The following RASA3 variants were observed in gnomAD, a reference collection of about 807,000 sequenced individuals.
RASA3 encodes RAS p21 protein activator 3, also known as ras GTPase-activating protein 3.
A neutral mutation model predicts 110.0 loss-of-function variants in RASA3; 73 were observed. The observed-to-expected ratio is 0.66, with a 90% CI of 0.55 to 0.81. The LOEUF (loss-of-function observed/expected upper bound fraction) is 0.81. Among genes scored for constraint, RASA3 ranks in the 30% least tolerant of loss-of-function variants. The probability of loss-of-function intolerance (pLI) is 0.00; values close to 1 mark genes in which losing one functional copy is unlikely to be tolerated. For synonymous variants in RASA3, 500 were observed against 451.4 expected, an observed-to-expected ratio of 1.11 and a Z score of -1.37; for missense variants, 976 against 1,113.2, an observed-to-expected ratio of 0.88 and a Z score of 1.75.
rs1436295746 is a variant in RASA3, at chr13:114,056,940, G to A, written c.174-4785C>T. Among the ~76,000 whole-genome samples, 3 of 152,122 alleles carry A rather than the reference G, an allele frequency of 2.0e-5. No homozygotes were observed. The highest frequency in any genetic ancestry group is 6.5e-5 in the Admixed American group (1 of 15,286). The stretch of plus-strand genomic sequence containing the variant: ...AACCTTGCTCCTGAATCGCAGCAGG[G>A]GAGGCAGCGCTTTGGGGCCCTCTGT... On this transcript the variant is annotated intron_variant, in intron 2 of 23. Coordinates refer to ENST00000334062, the MANE Select transcript of RASA3 (RefSeq NM_007368.4). This position sits in a 1 kb window ranked among gnomAD's most constrained non-coding sequence, Gnocchi z 5.7.
At chr13:114,043,946 TC>T (rs201630268) in intron 3 of RASA3, among the ~76,000 whole-genome samples, 1 of 1,838 alleles carries the variant, frequency 5.4e-4, no homozygotes, top group African/African-American at 7.6e-3. Flanking sequence ...CTCGCTGAGC[TC>T]CCCCCCGCCT....
chr13:114,028,706 CATCATCCT>C (rs1566499040), intron 5 of RASA3, among the ~76,000 whole-genome samples: 5 of 90,660 alleles, frequency 5.5e-5, no homozygotes, highest in East Asian at 3.9e-4. Flanking sequence ...TCTAAAACGG[CATCATCCT>C]GGGGCCAGGA....
At chr13:114,027,258 T>C (rs556842868) in intron 7 of RASA3, 131 bp downstream of exon 7, 9 of 801,590 alleles carry the variant, frequency 1.1e-5, no homozygotes, top group South Asian at 1.8e-5. Context: ...CAGGGCCGGC[T>C]GGCGGGGCTC....
Position 114,000,878 on chromosome 13 carries a change from C to A in RASA3, c.1797G>T (p.Lys599Asn). The A allele has an allele frequency of 6.2e-7, 1 of 1,613,984 alleles. No individual in the cohort carries two copies. The highest frequency in any genetic ancestry group is 8.5e-7 in the Non-Finnish European group (1 of 1,179,918). ...GGTTGGTCAAGCGAAACCATCTCTT[C>A]TTAAAATTCTTCATCCCAAAGCGCT... ...GRKRFGMKNFKKRWFRLTNHE... is the reference protein window; with the variant it reads ...GRKRFGMKNFNKRWFRLTNHE... The change falls in exon 19 of 24, where the codon AAG (lysine) becomes AAT (asparagine). Residue 599 changes from lysine to asparagine, a missense_variant. Physicochemically the swap from Lys to Asn is moderately conservative, Grantham distance 94 (BLOSUM62 0). Around this residue, in one of 4 missense-constraint regions of RASA3, gnomAD observed 109 missense variants for 162.5 expected, o/e 0.67. Transcript: ENST00000334062.
At chr13:114,046,656 A>G (rs2079057106) in intron 3 of RASA3, among the ~76,000 whole-genome samples, 1 of 152,174 alleles carries the variant, frequency 6.6e-6, no homozygotes, top group Non-Finnish European at 1.5e-5. Flanking sequence ...TCCGATGGAA[A>G]GCTGCTTCCA....
intron 2 of RASA3, among the ~76,000 whole-genome samples, chr13:114,062,466 T>C (rs1393647951): frequency 6.6e-6 from 1 of 152,136 alleles, no homozygotes. Flanking sequence ...GAAAACAGGC[T>C]GGCGGTTCCT....
intron 18 of RASA3, among the ~76,000 whole-genome samples, 168 bp downstream of exon 18, chr13:114,007,365 C>T (rs867388525): frequency 1.2e-4 from 4 of 33,080 alleles, no homozygotes; most frequent in East Asian, 9.8e-4. Context: ...CCTGCCCTGC[C>T]GGACGCCACC....
intron 1 of RASA3, among the ~76,000 whole-genome samples, chr13:114,075,202 A>G (rs1438619071): frequency 1.3e-5 from 2 of 152,154 alleles, no homozygotes; most frequent in Non-Finnish European, 2.9e-5. Context: ...GCAGAGTAGA[A>G]GTTTCTCAGA....
intron 4 of RASA3, among the ~76,000 whole-genome samples, chr13:114,037,023 T>C (rs554223379): frequency 3.9e-5 from 6 of 152,258 alleles, no homozygotes; most frequent in African/African-American, 1.4e-4. Context: ...TTCCATAAAG[T>C]GCAAATTCCC....
At chr13:113,995,802 ATGGG>A (rs1566453278) in intron 21 of RASA3, among the ~76,000 whole-genome samples, 1 of 15,460 alleles carries the variant, frequency 6.5e-5, no homozygotes, top group Non-Finnish European at 9.8e-5. Context: ...GGTCCGGCTG[ATGGG>A]GGTCCGGCTG....
At chr13:114,064,735 C>G (rs1458206558) in intron 2 of RASA3, among the ~76,000 whole-genome samples, 1 of 152,266 alleles carries the variant, frequency 6.6e-6, no homozygotes, top group African/African-American at 2.4e-5. Context: ...CCATCAGCAG[C>G]TTAACCTCGG....
At chr13:114,042,977 G>A (rs545633462) in intron 3 of RASA3, among the ~76,000 whole-genome samples, 24 of 152,292 alleles carry the variant, frequency 1.6e-4, no homozygotes, top group African/African-American at 2.9e-4. Context: ...CTATGTTGGC[G>A]TCCCCACCCT....
chr13:114,044,604 C>G (rs772194119), intron 3 of RASA3, among the ~76,000 whole-genome samples: 4 of 139,450 alleles, frequency 2.9e-5, no homozygotes, highest in Non-Finnish European at 4.6e-5. Context: ...GGGGCTCTGT[C>G]CTCTCCTCTG....
intron 1 of RASA3, among the ~76,000 whole-genome samples, chr13:114,099,563 G>A (rs545456287): frequency 1.0e-4 from 15 of 150,574 alleles, no homozygotes; most frequent in Admixed American, 2.0e-4. Flanking sequence ...ACCTAAGTAC[G>A]GCTCTGTTTA....
intron 8 of RASA3, among the ~76,000 whole-genome samples, chr13:114,024,002 C>T (rs942040248): frequency 2.0e-5 from 3 of 152,226 alleles, no homozygotes; most frequent in African/African-American, 4.8e-5. Flanking sequence ...ACCTTAAGAA[C>T]GGCTGCAGCC....
intron 1 of RASA3, among the ~76,000 whole-genome samples, chr13:114,094,154 A>G (rs1299793856): frequency 6.6e-6 from 1 of 152,184 alleles, no homozygotes; most frequent in East Asian, 1.9e-4. Context: ...TCCCACAGAG[A>G]GACTTTTGAC....
chr13:114,081,791 G>A lies in RASA3; in HGVS notation c.56-7954C>T, dbSNP rs181623368. Among the ~76,000 whole-genome samples the A allele has an allele frequency of 8.5e-5, 13 of 152,256 alleles. 1 individual carries two copies. The highest frequency in any genetic ancestry group is 1.9e-4 in the East Asian group (1 of 5,178). On this transcript the variant is annotated intron_variant, in intron 1 of 23. Transcript: ENST00000334062. ...GGCAAAGGTGGGCTGAAATGAAGCCGCCCTTCTGAGTTCACAAAGGAGCAG... is the reference window on the plus strand; with the variant it reads ...GGCAAAGGTGGGCTGAAATGAAGCCACCCTTCTGAGTTCACAAAGGAGCAG...
intron 1 of RASA3, among the ~76,000 whole-genome samples, chr13:114,106,885 C>A (rs888294125): frequency 2.0e-5 from 3 of 152,222 alleles, no homozygotes; most frequent in Admixed American, 6.5e-5. Context: ...TATAAGGAAA[C>A]TATTTTTCTG....
intron 1 of RASA3, among the ~76,000 whole-genome samples, chr13:114,118,448 G>C (rs1199343344): frequency 6.6e-6 from 1 of 152,102 alleles, no homozygotes; most frequent in African/African-American, 2.4e-5. Context: ...TTGCCTTTTG[G>C]TGGGTGACCT....
Sources: gnomAD v4.1 joint callset for allele counts (sites outside exome capture counted in the v4.1 genomes callset) on GRCh38, gnomAD v4.1.1 for gene constraint, gnomAD v4.1.1 regional missense constraint, Gnocchi (gnomAD v3.1) non-coding constraint, MANE v1.5 for transcripts, NCBI Gene and HGNC (gene_info 2026-07-23, HGNC 2026-07-21) for gene names.